KHDRBS2: variants seen among roughly 807,000 people sequenced by gnomAD.
KHDRBS2 encodes the protein KH domain-containing, RNA-binding, signal transduction-associated protein 2.
KHDRBS2 carries 26 observed loss-of-function variants against 44.3 expected under a neutral mutation model. The observed-to-expected ratio is 0.59, with a 90% CI of 0.43 to 0.81. KHDRBS2 has a LOEUF of 0.81. Ranked by LOEUF, KHDRBS2 falls within the 40% of genes least tolerant of loss-of-function variation. KHDRBS2 has a pLI of 0.00. For synonymous variants in KHDRBS2, 194 were observed against 151.1 expected, an observed-to-expected ratio of 1.28 and a Z score of -2.08; for missense variants, 476 against 433.1, an observed-to-expected ratio of 1.10 and a Z score of -0.88.
chr6:62,049,959 C>G (rs1276854986), intron 2 of KHDRBS2, among the ~76,000 whole-genome samples: 1 of 151,954 alleles, frequency 6.6e-6, no homozygotes, highest in African/African-American at 2.4e-5. Flanking sequence ...CAAAGATCTA[C>G]AAAGCATTCT....
At chr6:61,626,913 C>A in the KHDRBS2 span, among the ~76,000 whole-genome samples, 1 of 152,098 alleles carries the variant, frequency 6.6e-6, no homozygotes, top group African/African-American at 2.4e-5. Context: ...GAGTTTCCAC[C>A]TGAAAGAGCT....
chr6:62,197,764 C>A (rs56708864), intron 1 of KHDRBS2, among the ~76,000 whole-genome samples: 5,456 of 152,152 alleles, frequency 0.036, 259 homozygotes, highest in African/African-American at 0.12. Flanking sequence ...AACTCTCTAC[C>A]CCAAATCAAC....
intron 6 of KHDRBS2, among the ~76,000 whole-genome samples, chr6:61,808,066 G>C (rs1787452501): frequency 6.6e-6 from 1 of 151,916 alleles, no homozygotes; most frequent in Admixed American, 6.6e-5. Flanking sequence ...TGCTCAATGG[G>C]CATCTTATTT....
At position 62,005,091 on chromosome 6, in the gene KHDRBS2, T is replaced by C. The variant is rs78538421; in HGVS notation, c.337-26879A>G. Among the ~76,000 whole-genome samples the C allele has an allele frequency of 4.7e-3, 712 of 152,218 alleles. 6 individuals are homozygous for C. The highest frequency in any genetic ancestry group is 0.016 in the African/African-American group (650 of 41,552). On this transcript the variant is annotated intron_variant, in intron 3 of 8. Transcript: ENST00000281156. ...CATTTTTAGAGTTCATTTAAGAGAT[T>C]TGAAGTTCTGATTACAATCTCTTGA...
intron 3 of KHDRBS2, among the ~76,000 whole-genome samples, chr6:61,996,590 C>T (rs1353169887): frequency 6.6e-6 from 1 of 151,956 alleles, no homozygotes; most frequent in African/African-American, 2.4e-5. Flanking sequence ...TGGAAATGTT[C>T]CTCCTCTGAA....
intron 2 of KHDRBS2, among the ~76,000 whole-genome samples, chr6:62,103,734 C>A (rs1016537875): frequency 2.0e-5 from 3 of 152,164 alleles, no homozygotes; most frequent in South Asian, 2.1e-4. Flanking sequence ...CTACAGCTGG[C>A]GACCTTGCAG....
At chr6:62,140,806 G>T (rs1234101661) in intron 2 of KHDRBS2, among the ~76,000 whole-genome samples, 1 of 152,144 alleles carries the variant, frequency 6.6e-6, no homozygotes, top group Non-Finnish European at 1.5e-5. Flanking sequence ...AGTATAAAGA[G>T]AAATTGGTGA....
chr6:61,891,615 T>C (rs1161054013), intron 6 of KHDRBS2, among the ~76,000 whole-genome samples: 1 of 152,174 alleles, frequency 6.6e-6, no homozygotes, highest in Admixed American at 6.5e-5. Flanking sequence ...TCAATAAACA[T>C]AACCCAGCAT....
rs961031546 is a variant in KHDRBS2, at chr6:61,905,450, GA to G, written c.484-4080del. 3.6e-3 allele frequency among the ~76,000 whole-genome samples: 528 copies of G among 145,670 alleles called. 4 individuals are homozygous for G. Among genetic ancestry groups the G allele is most frequent in the African/African-American group, 0.012 (469 of 39,898 alleles). Reference sequence around the variant, plus strand: ...TCATTAGCCAGAGAAAAAGAGGAATGAAAAAAAAAAATTGAAGGTGGAGCAT... The same window carrying G: ...TCATTAGCCAGAGAAAAAGAGGAATGAAAAAAAAAATTGAAGGTGGAGCAT... On this transcript the variant is annotated intron_variant, in intron 4 of 8. Transcript: ENST00000281156.
intron 6 of KHDRBS2, among the ~76,000 whole-genome samples, chr6:61,848,209 C>T (rs565472401): frequency 2.6e-5 from 4 of 151,678 alleles, no homozygotes; most frequent in South Asian, 2.1e-4. Context: ...ACTGTCTTTT[C>T]AACAAGTCTT....
At chr6:61,846,021 A>G (rs1265106013) in intron 6 of KHDRBS2, among the ~76,000 whole-genome samples, 1 of 151,622 alleles carries the variant, frequency 6.6e-6, no homozygotes, top group African/African-American at 2.4e-5. Context: ...AGTGTGTGGC[A>G]CCTCTCTCTC....
intron 7 of KHDRBS2, among the ~76,000 whole-genome samples, chr6:61,728,789 T>G (rs756361728): frequency 3.0e-4 from 46 of 152,292 alleles, no homozygotes; most frequent in Non-Finnish European, 5.7e-4. Flanking sequence ...TCACAACAGC[T>G]GTTTCTGGGT....
At chr6:61,558,595 A>C in the KHDRBS2 span, among the ~76,000 whole-genome samples, 1 of 152,092 alleles carries the variant, frequency 6.6e-6, no homozygotes. Context: ...GCTATATCTC[A>C]TAGGTTTTAG....
chr6:62,189,117 C>T (rs1280814553), intron 1 of KHDRBS2, among the ~76,000 whole-genome samples: 1 of 150,038 alleles, frequency 6.7e-6, no homozygotes, highest in African/African-American at 2.5e-5. Flanking sequence ...AGTCTGTCTC[C>T]AAGAAACAAA....
chr6:61,985,495 C>T (rs1203357259), intron 3 of KHDRBS2, among the ~76,000 whole-genome samples: 5 of 152,052 alleles, frequency 3.3e-5, no homozygotes, highest in Non-Finnish European at 7.4e-5. Context: ...CCAGTTACTT[C>T]GTACGCAAAA....
chr6:61,687,337 A>G (rs1766928194), intron 8 of KHDRBS2, among the ~76,000 whole-genome samples: 1 of 151,798 alleles, frequency 6.6e-6, no homozygotes, highest in South Asian at 2.1e-4. Context: ...AAAATGTATC[A>G]CTTGGGATAA....
intron 6 of KHDRBS2, among the ~76,000 whole-genome samples, chr6:61,833,003 G>A (rs564115523): frequency 2.0e-4 from 30 of 151,916 alleles, no homozygotes; most frequent in Non-Finnish European, 3.4e-4. Flanking sequence ...AATACCTTCT[G>A]GACTTGGCAT....
chr6:61,560,658 C>T, the KHDRBS2 span, among the ~76,000 whole-genome samples: 2 of 152,044 alleles, frequency 1.3e-5, no homozygotes, highest in Non-Finnish European at 2.9e-5. Flanking sequence ...CTGCTTGATT[C>T]TTTTTAGTGT....
At chr6:61,790,239 C>T (rs748257460) in intron 6 of KHDRBS2, among the ~76,000 whole-genome samples, 13 of 151,222 alleles carry the variant, frequency 8.6e-5, no homozygotes, top group Non-Finnish European at 1.2e-4. Flanking sequence ...GGGTGCTCAC[C>T]AGAGTGCTCT....
Sources: gnomAD v4.1 joint callset for allele counts (sites outside exome capture counted in the v4.1 genomes callset) on GRCh38, gnomAD v4.1.1 for gene constraint, MANE v1.5 for transcripts, NCBI Gene and HGNC (gene_info 2026-07-23, HGNC 2026-07-21) for gene names.